Variants in ATXN1 observed in about 807,000 individuals in gnomAD.
The protein encoded by ATXN1 is ataxin 1, also known as ataxin-1.
ATXN1 carries 8 observed loss-of-function variants against 56.4 expected under a neutral mutation model. The ratio of observed to expected loss-of-function variants is 0.14; its 90% CI spans 0.08 to 0.26. The LOEUF (loss-of-function observed/expected upper bound fraction) is 0.26. Ranked by LOEUF, ATXN1 falls within the 10% of genes least tolerant of loss-of-function variation. The pLI is 1.00. For synonymous variants in ATXN1, 514 were observed against 494.6 expected, an observed-to-expected ratio of 1.04 and a Z score of -0.52; for missense variants, 987 against 1,106.5, an observed-to-expected ratio of 0.89 and a Z score of 1.53.
intron 5 of ATXN1, among the ~76,000 whole-genome samples, chr6:16,508,837 T>A (rs955167842): frequency 1.3e-5 from 2 of 152,168 alleles, no homozygotes; most frequent in Admixed American, 6.5e-5. Flanking sequence ...GCAGCATTAT[T>A]CACAGTAACC....
chr6:16,653,453 G>A (rs1388764149), intron 3 of ATXN1, among the ~76,000 whole-genome samples: 1 of 152,236 alleles, frequency 6.6e-6, no homozygotes, highest in African/African-American at 2.4e-5. Flanking sequence ...CCTAACAGCT[G>A]AAAGAAATAC....
rs888133078 is a variant in ATXN1, at chr6:16,425,268, T to C, written c.-161+60704A>G. On this transcript the variant is annotated intron_variant, in intron 6 of 7. Coordinates refer to ENST00000436367, the MANE Select transcript of ATXN1 (RefSeq NM_001128164.2). ...AAAAGTAGACCCTACTCCATCCCAC[T>C]GTGCCACGTTGTTTACCAAAAGTAT... Among the ~76,000 whole-genome samples the C allele has an allele frequency of 5.3e-5, 8 of 152,380 alleles. No individual in the cohort carries two copies. The South Asian group carries it at 1.7e-3, about 32-fold the overall frequency.
chr6:16,536,344 A>G (rs113553348), intron 4 of ATXN1, among the ~76,000 whole-genome samples: 25 of 152,362 alleles, frequency 1.6e-4, no homozygotes, highest in Middle Eastern at 3.4e-3. Context: ...CATCAACTAA[A>G]ACATGATGGA....
chr6:16,544,651 A>C (rs1014693415), intron 4 of ATXN1, among the ~76,000 whole-genome samples: 1 of 152,162 alleles, frequency 6.6e-6, no homozygotes, highest in Non-Finnish European at 1.5e-5. Flanking sequence ...GAGGATGAAC[A>C]TCTAAGATGA....
intron 6 of ATXN1, among the ~76,000 whole-genome samples, chr6:16,430,751 G>A (rs1489733788): frequency 6.6e-6 from 1 of 152,006 alleles, no homozygotes; most frequent in Non-Finnish European, 1.5e-5. Flanking sequence ...GTATGTGTGT[G>A]TAGTAACAAG....
intron 4 of ATXN1, among the ~76,000 whole-genome samples, chr6:16,572,740 G>T (rs1009220133): frequency 6.6e-6 from 1 of 152,134 alleles, no homozygotes; most frequent in Non-Finnish European, 1.5e-5. Context: ...TATTATCTAC[G>T]TTGAAAAGAC....
At chr6:16,344,054 C>G (rs1326838411) in intron 6 of ATXN1, among the ~76,000 whole-genome samples, 1 of 152,182 alleles carries the variant, frequency 6.6e-6, no homozygotes, top group Non-Finnish European at 1.5e-5. Flanking sequence ...TGCTGCTGGT[C>G]CAGGAACCAC....
At chr6:16,332,062 G>T (rs1051609619) in intron 6 of ATXN1, among the ~76,000 whole-genome samples, 2 of 152,210 alleles carry the variant, frequency 1.3e-5, no homozygotes, top group Non-Finnish European at 2.9e-5. Context: ...GAGAAATCAA[G>T]GACACAATGA....
intron 3 of ATXN1, among the ~76,000 whole-genome samples, chr6:16,646,976 C>T (rs558739358): frequency 2.6e-5 from 4 of 152,068 alleles, no homozygotes; most frequent in East Asian, 3.8e-4. Flanking sequence ...TGCATCAAGA[C>T]TCATTTAGGT....
rs1164022784 is a variant in ATXN1, at chr6:16,760,083, T to G, written c.-730+1215A>C. Among the ~76,000 whole-genome samples, 1 of 151,624 alleles carries G rather than the reference T, an allele frequency of 6.6e-6. No individual in the cohort carries two copies. Among genetic ancestry groups the G allele is most frequent in the African/African-American group, 2.4e-5 (1 of 41,264 alleles). On this transcript the variant is annotated intron_variant, in intron 1 of 7. Coordinates refer to ENST00000436367, the MANE Select transcript of ATXN1 (RefSeq NM_001128164.2). This position sits in a 1 kb window ranked among gnomAD's most constrained non-coding sequence, Gnocchi z 5.3. Reference sequence around the variant, plus strand: ...TCTCGCTCCGCCCGTCCGGCCCCCTTCCCTGCCCCCTGCGGGACCGGCCTG... The same window carrying G: ...TCTCGCTCCGCCCGTCCGGCCCCCTGCCCTGCCCCCTGCGGGACCGGCCTG...
intron 6 of ATXN1, among the ~76,000 whole-genome samples, chr6:16,382,941 G>T (rs950177069): frequency 6.6e-6 from 1 of 152,100 alleles, no homozygotes; most frequent in Non-Finnish European, 1.5e-5. Flanking sequence ...GGAGTAGGGA[G>T]CATGGCACCA....
intron 6 of ATXN1, among the ~76,000 whole-genome samples, chr6:16,408,581 C>T (rs187848912): frequency 2.6e-5 from 4 of 151,238 alleles, no homozygotes; most frequent in Non-Finnish European, 2.9e-5. Context: ...GTGTGTATCA[C>T]GTATTTTGTC....
chr6:16,344,633 C>T (rs1359342159), intron 6 of ATXN1, among the ~76,000 whole-genome samples: 2 of 152,212 alleles, frequency 1.3e-5, no homozygotes, highest in East Asian at 3.8e-4. Flanking sequence ...GCTCTTGGGC[C>T]TTTGGCCACA....
At chr6:16,661,302 ATATT>A (rs1439872578) in intron 2 of ATXN1, among the ~76,000 whole-genome samples, 3 of 152,080 alleles carry the variant, frequency 2.0e-5, no homozygotes, top group Non-Finnish European at 2.9e-5. Flanking sequence ...TTATACATAT[ATATT>A]ATTTTACAAA....
At chr6:16,499,730 A>T (rs972571035) in intron 5 of ATXN1, among the ~76,000 whole-genome samples, 4 of 152,216 alleles carry the variant, frequency 2.6e-5, no homozygotes, top group African/African-American at 9.6e-5. Context: ...ACCAAGAGAA[A>T]TAATAGACTT....
chr6:16,637,531 G>A (rs1763622265), intron 3 of ATXN1, among the ~76,000 whole-genome samples: 1 of 151,882 alleles, frequency 6.6e-6, no homozygotes, highest in African/African-American at 2.4e-5. Context: ...AAAGAAAAAG[G>A]AAGAAAGAAA....
At chr6:16,481,201 A>C (rs1760432324) in intron 6 of ATXN1, among the ~76,000 whole-genome samples, 1 of 152,210 alleles carries the variant, frequency 6.6e-6, no homozygotes, top group East Asian at 1.9e-4. Flanking sequence ...GGATTTAAGA[A>C]AAAGGAGATT....
chr6:16,568,041 TA>T (rs1762261168), intron 4 of ATXN1, among the ~76,000 whole-genome samples: 1 of 152,196 alleles, frequency 6.6e-6, no homozygotes, highest in Non-Finnish European at 1.5e-5. Flanking sequence ...ACCAACACAG[TA>T]ATTATATTGC....
Position 16,306,655 on chromosome 6 carries a change from G to A in ATXN1, c.2122C>T (p.Leu708=), listed in dbSNP as rs1201008304. The change falls in exon 8 of 8, where the codon CTG becomes TTG. Residue 708 remains leucine (L), a synonymous_variant. Transcript: ENST00000436367. The surrounding 1 kb of genome is among the most constrained non-coding windows in gnomAD (Gnocchi z 5.2). ...GQPVDPASVL[L]KHSKADGLAG... ...AGGCCGTCGGCCTTTGAGTGCTTCA[G>A]CAGGACGCTGGCGGGATCCACGGGC... The A allele has an allele frequency of 1.2e-6, 2 of 1,614,252 alleles. No individual in the cohort carries two copies. The highest frequency in any genetic ancestry group is 2.2e-5 in the South Asian group (2 of 91,090).
Sources: gnomAD v4.1 joint callset for allele counts (sites outside exome capture counted in the v4.1 genomes callset) on GRCh38, gnomAD v4.1.1 for gene constraint, Gnocchi (gnomAD v3.1) non-coding constraint, MANE v1.5 for transcripts, NCBI Gene and HGNC (gene_info 2026-07-23, HGNC 2026-07-21) for gene names.